CA8: variants seen among roughly 807,000 people sequenced by gnomAD.
CA8 encodes the protein carbonic anhydrase 8 (inactive), also known as carbonic anhydrase-related protein.
CA8 carries 22 observed loss-of-function variants against 41.4 expected under a neutral mutation model. The ratio of observed to expected loss-of-function variants is 0.53; its 90% CI spans 0.38 to 0.76. The LOEUF is 0.76. Among genes scored for constraint, CA8 ranks in the 30% least tolerant of loss-of-function variants. The pLI is 0.00. For synonymous variants in CA8, 121 were observed against 130.6 expected, an observed-to-expected ratio of 0.93 and a Z score of 0.50; for missense variants, 270 against 352.8, an observed-to-expected ratio of 0.77 and a Z score of 1.88.
chr8:60,202,932 T>C (rs1397135908), intron 8 of CA8, among the ~76,000 whole-genome samples: 6 of 152,216 alleles, frequency 3.9e-5, no homozygotes, highest in Non-Finnish European at 7.3e-5. Flanking sequence ...TAATGAAGTA[T>C]GTTACAAACT....
chr8:60,208,182 A>G (rs1036093255), intron 8 of CA8: 1 of 153,664 alleles, frequency 6.5e-6, no homozygotes, highest in Non-Finnish European at 1.4e-5. Flanking sequence ...TACATAGATT[A>G]TGTTTCAATC....
At chr8:60,270,555 A>G (rs1461611265) in intron 2 of CA8, among the ~76,000 whole-genome samples, 1 of 152,136 alleles carries the variant, frequency 6.6e-6, no homozygotes, top group Non-Finnish European at 1.5e-5. Context: ...AGCAGAGATT[A>G]TAGGTGTGCA....
At chr8:60,233,867 C>T (rs1807742418) in intron 3 of CA8, among the ~76,000 whole-genome samples, 1 of 152,120 alleles carries the variant, frequency 6.6e-6, no homozygotes, top group South Asian at 2.1e-4. Flanking sequence ...CACAATTCAG[C>T]AACATCATCA....
At chr8:60,268,530 C>G (rs1228668223) in intron 2 of CA8, among the ~76,000 whole-genome samples, 2 of 152,170 alleles carry the variant, frequency 1.3e-5, no homozygotes, top group Non-Finnish European at 1.5e-5. Context: ...GCAATGAACC[C>G]TTTCACTTAA....
chr8:60,268,903 G>A (rs1201422516), intron 2 of CA8, among the ~76,000 whole-genome samples: 2 of 152,102 alleles, frequency 1.3e-5, no homozygotes, highest in African/African-American at 4.8e-5. Flanking sequence ...GGTATGAAAG[G>A]AACACTGAGA....
At chr8:60,190,135 AGTTT>A (rs1338849420) in intron 8 of CA8, 150 bp from the exon 9 acceptor site, 4 of 151,976 alleles carry the variant, frequency 2.6e-5, no homozygotes, top group African/African-American at 9.7e-5. Flanking sequence ...TTTGTGCTCA[AGTTT>A]GTTATCTCTG....
chr8:60,191,888 T>C (rs1032952333), intron 8 of CA8, among the ~76,000 whole-genome samples: 3 of 152,138 alleles, frequency 2.0e-5, no homozygotes, highest in Non-Finnish European at 4.4e-5. Flanking sequence ...GTGCAACAGA[T>C]GCACATACAT....
At chr8:60,194,523 T>C (rs771233774) in intron 8 of CA8, among the ~76,000 whole-genome samples, 2 of 152,284 alleles carry the variant, frequency 1.3e-5, no homozygotes, top group South Asian at 4.1e-4. Context: ...CTCACTCAAT[T>C]GTGTCTGTGT....
At chr8:60,277,352 T>G (rs1415420821) in intron 2 of CA8, among the ~76,000 whole-genome samples, 1 of 151,594 alleles carries the variant, frequency 6.6e-6, no homozygotes, top group Non-Finnish European at 1.5e-5. Context: ...GAAAGAGTAT[T>G]ATTCACCTTT....
In CA8 at chr8:60,213,687, C is replaced by A. The variant is rs189040761; in HGVS notation, c.739-4768G>T. Among the ~76,000 whole-genome samples the A allele has an allele frequency of 1.8e-3, 269 of 151,874 alleles. 1 individual carries two copies. Among genetic ancestry groups the A allele is most frequent in the Non-Finnish European group, 3.1e-3 (213 of 67,976 alleles). On this transcript the variant is annotated intron_variant, in intron 7 of 8. Coordinates refer to ENST00000317995, the MANE Select transcript of CA8 (RefSeq NM_004056.6). ...AATAACTTTTTACCTTGACTACATGCTAAAATGATAGTATTTTGCACGTAT... is the reference window on the plus strand; with the variant it reads ...AATAACTTTTTACCTTGACTACATGATAAAATGATAGTATTTTGCACGTAT...
intron 7 of CA8, among the ~76,000 whole-genome samples, chr8:60,222,311 A>C (rs1231850276): frequency 6.6e-6 from 1 of 151,390 alleles, no homozygotes; most frequent in Non-Finnish European, 1.5e-5. Flanking sequence ...GACTTACAGA[A>C]ATAACCGGCA....
chr8:60,271,145 C>A (rs1034874091), intron 2 of CA8, among the ~76,000 whole-genome samples: 1 of 152,060 alleles, frequency 6.6e-6, no homozygotes, highest in Non-Finnish European at 1.5e-5. Context: ...GATTTCATGA[C>A]CAGCCTGGGT....
rs6471859 is a variant in CA8 at position 60,265,103 on chromosome 8, G to C, written c.417+822C>G. ...TTCCTTCTAGAAATAACATCAAGAC[G>C]TGGACTGAATCCAACATCCCCTCAC... On this transcript the variant is annotated intron_variant, in intron 3 of 8. Transcript: ENST00000317995. The C allele has an allele frequency of 0.51, 76,986 of 151,980 alleles. 21,535 individuals carry two copies. Among genetic ancestry groups the C allele is most frequent in the African/African-American group, 0.77 (31,743 of 41,422 alleles). The allele number at this position is 151,980 out of a possible 1,614,324, so 9.4% of individuals were successfully genotyped here.
chr8:60,221,312 C>A (rs1311813084), intron 7 of CA8, among the ~76,000 whole-genome samples: 3 of 152,190 alleles, frequency 2.0e-5, no homozygotes, highest in African/African-American at 7.2e-5. Flanking sequence ...TAGTCATCTG[C>A]CTCCCCAACT....
intron 3 of CA8, among the ~76,000 whole-genome samples, chr8:60,253,287 T>C (rs959798117): frequency 1.3e-5 from 2 of 152,096 alleles, no homozygotes; most frequent in African/African-American, 2.4e-5. Context: ...AGTGACACTA[T>C]TGTTAAAATA....
chr8:60,252,426 A>G (rs1181654636), intron 3 of CA8, among the ~76,000 whole-genome samples: 1 of 152,252 alleles, frequency 6.6e-6, no homozygotes, highest in Non-Finnish European at 1.5e-5. Flanking sequence ...CCAAAGCTGA[A>G]TCCTTTCCCT....
chr8:60,269,499 A>G (rs1322787317), intron 2 of CA8, among the ~76,000 whole-genome samples: 2 of 152,204 alleles, frequency 1.3e-5, no homozygotes, highest in Non-Finnish European at 2.9e-5. Flanking sequence ...ATGCTCTTTA[A>G]TACGCTTGGC....
intron 2 of CA8, among the ~76,000 whole-genome samples, chr8:60,276,621 G>A (rs1428540223): frequency 2.0e-5 from 3 of 151,996 alleles, no homozygotes; most frequent in East Asian, 1.9e-4. Flanking sequence ...GACTCCAGGG[G>A]AATGAGGCAT....
chr8:60,204,416 G>A (rs1369574455), intron 8 of CA8, among the ~76,000 whole-genome samples: 1 of 152,016 alleles, frequency 6.6e-6, no homozygotes, highest in Non-Finnish European at 1.5e-5. Flanking sequence ...ATAGTGGGAG[G>A]AAAAAATCAT....
Sources: allele counts gnomAD v4.1 joint callset (sites outside exome capture counted in the v4.1 genomes callset), GRCh38; gene constraint gnomAD v4.1.1; transcripts MANE v1.5; gene names NCBI Gene and HGNC (gene_info 2026-07-23, HGNC 2026-07-21).